Variants in PPP1R12B observed in about 807,000 individuals in gnomAD.
PPP1R12B encodes protein phosphatase 1 regulatory subunit 12B.
Under a neutral mutation model 126.1 loss-of-function variants are expected in PPP1R12B, and 76 were observed. That is an observed-to-expected ratio of 0.60 (90% confidence interval 0.50 to 0.73). The LOEUF is 0.73. Among genes scored for constraint, PPP1R12B ranks in the 30% least tolerant of loss-of-function variants. PPP1R12B has a pLI of 0.00. For missense variants in PPP1R12B, 1,052 were observed against 1,205.1 expected, an observed-to-expected ratio of 0.87 and a Z score of 1.88; for synonymous variants, 356 against 434.7, an observed-to-expected ratio of 0.82 and a Z score of 2.25.
intron 11 of PPP1R12B, 41 bp downstream of exon 11, chr1:202,440,829 A>AGTAG: frequency 6.6e-7 from 1 of 1,512,798 alleles, no homozygotes; most frequent in Non-Finnish European, 9.2e-7. Context: ...TCATCCTCTT[A>AGTAG]GGTCTACTGG....
chr1:202,527,686 A>G (rs1202842393), intron 18 of PPP1R12B, among the ~76,000 whole-genome samples: 6 of 151,888 alleles, frequency 4.0e-5, no homozygotes, highest in Non-Finnish European at 5.9e-5. Flanking sequence ...CTTAACCACC[A>G]CCTCCCCAAC....
At chr1:202,502,205 T>C in intron 18 of PPP1R12B, 8 of 985,058 alleles carry the variant, frequency 8.1e-6, no homozygotes, top group African/African-American at 1.7e-5. Flanking sequence ...TCAAAACTGA[T>C]TGGTAAAGGA....
chr1:202,568,724 T>C (rs1244124845), intron 22 of PPP1R12B, among the ~76,000 whole-genome samples: 1 of 152,124 alleles, frequency 6.6e-6, no homozygotes, highest in African/African-American at 2.4e-5. Flanking sequence ...CACCATCTGC[T>C]CCTCATCATG....
intron 13 of PPP1R12B, chr1:202,473,864 G>A (rs1676270116): frequency 7.7e-6 from 4 of 521,332 alleles, no homozygotes; most frequent in Admixed American, 6.1e-5. Flanking sequence ...TGAGACTGCA[G>A]TCTTTCCCAG....
At chr1:202,436,357 A>G (rs564443173) in intron 9 of PPP1R12B, among the ~76,000 whole-genome samples, 64 of 152,302 alleles carry the variant, frequency 4.2e-4, no homozygotes, top group African/African-American at 1.4e-3. Context: ...TTAGAATCAG[A>G]GTAGCTTGTA....
intron 9 of PPP1R12B, among the ~76,000 whole-genome samples, chr1:202,435,410 G>A (rs1670682823): frequency 6.6e-6 from 1 of 152,170 alleles, no homozygotes; most frequent in Non-Finnish European, 1.5e-5. Context: ...TGTGGACTGG[G>A]CTAGAAGATA....
In PPP1R12B at chr1:202,587,915, G is replaced by T. The variant is rs1312598792; in HGVS notation, c.*7355G>T. 6.6e-6 allele frequency: 1 copy of T among 152,226 alleles called. No individual in the cohort carries two copies. Among genetic ancestry groups the T allele is most frequent in the Admixed American group, 6.5e-5 (1 of 15,280 alleles). The allele number at this position is 152,226 out of a possible 1,614,324, so 9.4% of individuals were successfully genotyped here. On this transcript the variant is annotated 3_prime_UTR_variant, in exon 24 of 24. Transcript: ENST00000608999. ...GGGGTAGGAGAGGGTTCTGAGAGGA[G>T]GCAGCAATCCAGAATACCTCCTTTT... is the stretch of plus-strand genomic sequence containing the variant.
At chr1:202,391,498 A>C (rs1664158336) in intron 1 of PPP1R12B, among the ~76,000 whole-genome samples, 1 of 152,206 alleles carries the variant, frequency 6.6e-6, no homozygotes, top group African/African-American at 2.4e-5. Context: ...GCATAGAGTT[A>C]CCATATGATC....
intron 1 of PPP1R12B, chr1:202,369,392 T>G (rs2148441907): frequency 6.6e-6 from 1 of 152,448 alleles, no homozygotes; most frequent in Middle Eastern, 3.4e-3. Context: ...TGTATTCATT[T>G]AACCACAAGC....
intron 10 of PPP1R12B, chr1:202,438,332 G>C (rs547236915): frequency 5.0e-4 from 623 of 1,236,668 alleles, no homozygotes; most frequent in Non-Finnish European, 6.7e-4. Context: ...TATGGCGGAG[G>C]GGGGCACAGG....
chr1:202,530,892 G>A (rs1047525733), intron 18 of PPP1R12B, among the ~76,000 whole-genome samples: 1 of 152,174 alleles, frequency 6.6e-6, no homozygotes, highest in Non-Finnish European at 1.5e-5. Context: ...AAAGAATTGC[G>A]TGACTTTTCT....
At chr1:202,500,904 G>T (rs1680155963) in intron 18 of PPP1R12B, among the ~76,000 whole-genome samples, 1 of 152,188 alleles carries the variant, frequency 6.6e-6, no homozygotes, top group African/African-American at 2.4e-5. Context: ...GTCATGCATT[G>T]CTATGCTGGG....
rs187830374 is a variant in PPP1R12B, at chr1:202,492,827, A to C, written c.1942-287A>C. Among the ~76,000 whole-genome samples the C allele has an allele frequency of 1.1e-4, 16 of 152,270 alleles. No homozygotes were observed. In the East Asian group the frequency reaches 3.1e-3, roughly 29 times the overall value. On this transcript the variant is annotated intron_variant, in intron 14 of 23. Transcript: ENST00000608999. Reference sequence around the variant, plus strand: ...TACTGAGAACTATTTGGTATGGAAAAAGTACATCTATAACAGGCAGACATC... The same window carrying C: ...TACTGAGAACTATTTGGTATGGAAACAGTACATCTATAACAGGCAGACATC...
intron 9 of PPP1R12B, among the ~76,000 whole-genome samples, chr1:202,436,692 CT>C (rs1208572349): frequency 6.6e-6 from 1 of 152,102 alleles, no homozygotes; most frequent in Non-Finnish European, 1.5e-5. Context: ...ACAATGTAAG[CT>C]TTCCATAAAG....
rs143498120 is a variant in PPP1R12B, at chr1:202,446,537, G to A, written c.1668-2452G>A. 9.8e-3 allele frequency among the ~76,000 whole-genome samples: 1,447 copies of A among 148,048 alleles called. 23 individuals are homozygous for A. The highest frequency in any genetic ancestry group is 0.034 in the African/African-American group (1,382 of 40,720). On this transcript the variant is annotated intron_variant, in intron 12 of 23. Transcript: ENST00000608999. ...GCCTCCCAAAGTGCTAAGATTACAG[G>A]CGAGAGCCACTGCACCCGGCCGTAT...
chr1:202,492,068 T>A (rs1473916782), intron 14 of PPP1R12B, among the ~76,000 whole-genome samples: 1 of 152,216 alleles, frequency 6.6e-6, no homozygotes, highest in African/African-American at 2.4e-5. Context: ...TTGTACAAGA[T>A]CCCTCTATCT....
At position 202,420,967 on chromosome 1, in the gene PPP1R12B, C is replaced by CTTTTTTTTTTTTTTTTT. The variant is rs56164548; in HGVS notation, c.423-1648_423-1632dup. Among the ~76,000 whole-genome samples, 14 of 118,562 alleles carry CTTTTTTTTTTTTTTTTT rather than the reference C, an allele frequency of 1.2e-4. 1 individual carries two copies. The highest frequency in any genetic ancestry group is 4.4e-4 in the African/African-American group (13 of 29,506). 77.8% of individuals were successfully genotyped at this position (118,562 alleles called of 152,430 possible). ...CTATTGATTCTTTTCCCTCTGCCAA[C>CTTTTTTTTTTTTTTTTT]TTTTTTTTTTTTTTTTTTTTTGAGA... is the stretch of plus-strand genomic sequence containing the variant. On this transcript the variant is annotated intron_variant, in intron 2 of 23. Transcript: ENST00000608999.
At chr1:202,495,988 C>T (rs1407222702) in intron 17 of PPP1R12B, among the ~76,000 whole-genome samples, 1 of 152,140 alleles carries the variant, frequency 6.6e-6, no homozygotes, top group Admixed American at 6.5e-5. Flanking sequence ...ATAAGCTTGT[C>T]GAGTTTTAGT....
chr1:202,498,768 C>A (rs1277697676), intron 18 of PPP1R12B, among the ~76,000 whole-genome samples: 1 of 152,174 alleles, frequency 6.6e-6, no homozygotes, highest in African/African-American at 2.4e-5. Context: ...TCTGCAACAA[C>A]AAATGAGCCA....
Sources: gnomAD v4.1 joint callset for allele counts (sites outside exome capture counted in the v4.1 genomes callset) on GRCh38, gnomAD v4.1.1 for gene constraint, MANE v1.5 for transcripts, NCBI Gene and HGNC (gene_info 2026-07-23, HGNC 2026-07-21) for gene names.